CLTC: variants seen among roughly 807,000 people sequenced by gnomAD.
CLTC encodes clathrin heavy chain.
In CLTC, 16 loss-of-function variants were observed where a neutral mutation model predicts 195.8. The observed-to-expected ratio is 0.08, with a 90% CI of 0.06 to 0.12. CLTC has a LOEUF of 0.12. CLTC is among the 10% of genes least tolerant of loss of function. CLTC has a pLI of 1.00. For missense variants in CLTC, 796 were observed against 2,027.0 expected (o/e 0.39, Z 11.66); for synonymous variants, 667 against 689.4 (o/e 0.97, Z 0.51).
rs1416322961 is a variant in CLTC at position 59,683,090 on chromosome 17, T to C, written c.3874-5T>C. On this transcript the variant is annotated splice_region_variant and splice_polypyrimidine_tract_variant and intron_variant, in intron 24 of 31. Coordinates refer to ENST00000269122, the MANE Select transcript of CLTC (RefSeq NM_004859.4). This position sits in a 1 kb window ranked among gnomAD's most constrained non-coding sequence, Gnocchi z 6.1. ...TATCTTTAACTGCACATTTCTCTTG[T>C]TCAGGATCGTGGCTATTTTGAAGAG... 6.2e-7 allele frequency: 1 copy of C among 1,614,106 alleles called. No individual in the cohort carries two copies. The highest frequency in any genetic ancestry group is 1.1e-5 in the South Asian group (1 of 91,086).
chr17:59,686,887 C>A, intron 30 of CLTC: 1 of 539,208 alleles, frequency 1.9e-6, no homozygotes, highest in Non-Finnish European at 2.4e-6. Flanking sequence ...TTCTCTCATA[C>A]CTTTTTAGTG....
In CLTC at chr17:59,679,497, A is replaced by C; in HGVS notation, c.2897A>C (p.Tyr966Ser). Reference protein sequence around the residue: ...WGSVLLESNPYRRPLIDQVVQ... With the variant: ...WGSVLLESNPSRRPLIDQVVQ... ...AGCGTGCTGCTGGAAAGCAATCCTT[A>C]CAGGAGACCCCTAATTGACCAGGTA... Residue 966 changes from tyrosine (Y) to serine (S), a missense_variant, in exon 18 of 32, where the codon TAC becomes TCC. Physicochemically the swap from Tyr to Ser is moderately radical, Grantham distance 144 (BLOSUM62 -2). Around this residue, in one of 9 missense-constraint regions of CLTC, gnomAD observed 160 missense variants for 448.2 expected, o/e 0.36. Coordinates refer to ENST00000269122, the MANE Select transcript of CLTC (RefSeq NM_004859.4). 1 of 1,604,480 alleles carries C rather than the reference A, an allele frequency of 6.2e-7. No individual in the cohort carries two copies. Among genetic ancestry groups the C allele is most frequent in the Non-Finnish European group, 8.5e-7 (1 of 1,174,888 alleles).
At chr17:59,665,266 A>G (rs1015763168) in intron 10 of CLTC, among the ~76,000 whole-genome samples, 2 of 152,032 alleles carry the variant, frequency 1.3e-5, no homozygotes, top group African/African-American at 4.8e-5. Flanking sequence ...TAGAAATTAA[A>G]GCTTTGTCAC....
At chr17:59,630,414 A>G (rs971293530) in intron 1 of CLTC, among the ~76,000 whole-genome samples, 9 of 152,226 alleles carry the variant, frequency 5.9e-5, no homozygotes, top group African/African-American at 1.9e-4. Context: ...AACTTTTTCA[A>G]TTGCGATAAA....
At position 59,685,621 on chromosome 17, in the gene CLTC, C is replaced by G; in HGVS notation, c.4640C>G (p.Thr1547Ser). ...AMQYASESKD[T>S]ELAEELLQWF... is the part of the protein sequence containing the mutation. ...CAGTATGCTTCTGAATCTAAAGATACTGAATTGGCTGAAGAACTCCTGCAG... is the reference window on the plus strand; with the variant it reads ...CAGTATGCTTCTGAATCTAAAGATAGTGAATTGGCTGAAGAACTCCTGCAG... The change falls in exon 30 of 32, where the codon ACT becomes AGT. Residue 1547 changes from threonine to serine, a missense_variant. Transcript: ENST00000269122. The surrounding 1 kb of genome is among the most constrained non-coding windows in gnomAD (Gnocchi z 5.0). 6.2e-7 allele frequency: 1 copy of G among 1,614,030 alleles called. No individual in the cohort carries two copies. Among genetic ancestry groups the G allele is most frequent in the South Asian group, 1.1e-5 (1 of 91,082 alleles).
chr17:59,646,450 G>A (rs2032197144), intron 2 of CLTC, among the ~76,000 whole-genome samples: 1 of 145,406 alleles, frequency 6.9e-6, no homozygotes, highest in African/African-American at 2.6e-5. Flanking sequence ...TGTATGTTTT[G>A]CCCCCCTTCT....
Position 59,647,279 on chromosome 17 carries a change from G to A in CLTC, c.251-119G>A, listed in dbSNP as rs2032220799. ...CCTCTTTAATGGTTGCTGCTGTATC[G>A]ATGCAACTCGTCTCGTAATAGAACT... On this transcript the variant is annotated intron_variant, in intron 2 of 31. Coordinates refer to ENST00000269122, the MANE Select transcript of CLTC (RefSeq NM_004859.4). 9.6e-6 allele frequency: 7 copies of A among 731,932 alleles called. No homozygotes were observed. The East Asian group carries it at 1.6e-4, about 17-fold the overall frequency. 45.3% of individuals were successfully genotyped at this position (731,932 alleles called of 1,614,324 possible). A position where few individuals can be genotyped will look rare whatever the true frequency, so the allele number is the denominator to read the frequency against.
rs8065248 is a variant in CLTC, at chr17:59,673,621, T to C, written c.2293-26T>C. ...GATACCTCATAGAAGAAATTTAAAG[T>C]TTCCTTTTGTTTGTCTTTTTTTCAG... On this transcript the variant is annotated intron_variant, in intron 14 of 31. Coordinates refer to ENST00000269122, the MANE Select transcript of CLTC (RefSeq NM_004859.4). 0.87 allele frequency: 1,371,218 copies of C among 1,584,742 alleles called. 594,519 individuals carry two copies. Among genetic ancestry groups the C allele is most frequent in the African/African-American group, 0.97 (71,526 of 74,042 alleles).
intron 13 of CLTC, among the ~76,000 whole-genome samples, chr17:59,667,637 G>A (rs1401749610): frequency 1.3e-5 from 2 of 152,084 alleles, no homozygotes; most frequent in African/African-American, 4.8e-5. Context: ...ATTGTAGAGG[G>A]GTGTTCCTGT....
intron 13 of CLTC, among the ~76,000 whole-genome samples, chr17:59,667,290 A>G (rs755886681): frequency 3.9e-5 from 6 of 152,206 alleles, no homozygotes; most frequent in Admixed American, 2.6e-4. Flanking sequence ...TGAAAATCCA[A>G]AATGCACCAA....
chr17:59,632,869 A>T (rs2031763633), intron 1 of CLTC, among the ~76,000 whole-genome samples: 1 of 152,178 alleles, frequency 6.6e-6, no homozygotes, highest in South Asian at 2.1e-4. Flanking sequence ...TTTCTCCTAT[A>T]GGTTGTTTCC....
At chr17:59,652,289 G>A (rs2032345878) in intron 5 of CLTC, among the ~76,000 whole-genome samples, 1 of 152,122 alleles carries the variant, frequency 6.6e-6, no homozygotes, top group African/African-American at 2.4e-5. Context: ...TGAATCATCA[G>A]TGTTCTTAGT....
At chr17:59,660,329 A>G (rs1373694426) in intron 6 of CLTC, 62 bp from the exon 7 acceptor site, 1 of 1,431,034 alleles carries the variant, frequency 7.0e-7, no homozygotes, top group African/African-American at 1.4e-5. Context: ...TTCTAAACAG[A>G]TTTGGTATCA....
At chr17:59,644,546 T>G (rs112172648) in intron 2 of CLTC, 63 bp downstream of exon 2, 446 of 934,294 alleles carry the variant, frequency 4.8e-4, no homozygotes, top group African/African-American at 2.5e-3. Flanking sequence ...TTTGTTTTTT[T>G]TTTGTTTGTT....
intron 1 of CLTC, among the ~76,000 whole-genome samples, chr17:59,642,255 C>T: frequency 6.6e-6 from 1 of 152,090 alleles, no homozygotes; most frequent in East Asian, 1.9e-4. Flanking sequence ...TTAGTAGTGT[C>T]TGTGGTTTGC....
chr17:59,693,638 GT>G, intron 31 of CLTC, 89 bp from the exon 32 acceptor site: 1 of 1,407,488 alleles, frequency 7.1e-7, no homozygotes, highest in Non-Finnish European at 9.5e-7. Flanking sequence ...TGTTGCTAGA[GT>G]GGAGGAGATT....
chr17:59,620,548 C>G (rs2031338133), intron 1 of CLTC, among the ~76,000 whole-genome samples: 1 of 151,074 alleles, frequency 6.6e-6, no homozygotes, highest in Admixed American at 6.6e-5. Context: ...GGATTCTTAT[C>G]CCCTGGGCCA....
In CLTC at chr17:59,648,782, A is replaced by G. The variant is rs188403402; in HGVS notation, c.681+381A>G. ...CAGTCATGGGCTCACTGCAGCCTCG[A>G]CCTTCTGGGCTCAAGTGATCCCTCT... is the stretch of plus-strand genomic sequence containing the variant. On this transcript the variant is annotated intron_variant, in intron 4 of 31. Coordinates refer to ENST00000269122, the MANE Select transcript of CLTC (RefSeq NM_004859.4). The surrounding 1 kb of genome is among the most constrained non-coding windows in gnomAD (Gnocchi z 4.5). 6.5e-4 allele frequency: 106 copies of G among 163,108 alleles called. No individual in the cohort carries two copies. The highest frequency in any genetic ancestry group is 3.1e-3 in the Middle Eastern group (1 of 320). 10.1% of individuals were successfully genotyped at this position (163,108 alleles called of 1,614,324 possible). A position where few individuals can be genotyped will look rare whatever the true frequency, so the allele number is the denominator to read the frequency against.
chr17:59,685,573 A>G lies in CLTC; in HGVS notation c.4606-14A>G, dbSNP rs1252943106. 31 of 1,603,074 alleles carry G rather than the reference A, an allele frequency of 1.9e-5. No individual in the cohort carries two copies. Among genetic ancestry groups the G allele is most frequent in the Non-Finnish European group, 2.5e-5 (29 of 1,170,748 alleles). On this transcript the variant is annotated splice_polypyrimidine_tract_variant and intron_variant, in intron 29 of 31. Transcript: ENST00000269122. The surrounding 1 kb of genome is among the most constrained non-coding windows in gnomAD (Gnocchi z 5.0). ...GGGTCTAATGTTTTTGACTTTCACT[A>G]TTTCTTTGAATAGGATGCAATGCAG...
Sources: allele counts gnomAD v4.1 joint callset (sites outside exome capture counted in the v4.1 genomes callset), GRCh38; gene constraint gnomAD v4.1.1; regional missense constraint gnomAD v4.1.1; non-coding constraint Gnocchi (gnomAD v3.1); transcripts MANE v1.5; gene names NCBI Gene and HGNC (gene_info 2026-07-23, HGNC 2026-07-21).